Variants in CYB561 observed in about 807,000 individuals in gnomAD.
The protein encoded by CYB561 is transmembrane ascorbate-dependent reductase CYB561.
Under a neutral mutation model 25.3 loss-of-function variants are expected in CYB561, and 11 were observed. That is an observed-to-expected ratio of 0.44 (90% CI 0.27 to 0.72). The LOEUF (loss-of-function observed/expected upper bound fraction) is 0.72. Ranked by LOEUF, CYB561 falls within the 30% of genes least tolerant of loss-of-function variation. The pLI, the probability that CYB561 is intolerant of heterozygous loss-of-function variation, is 0.18. For synonymous variants in CYB561, 165 were observed against 158.8 expected (o/e 1.04, Z -0.29); for missense variants, 295 against 334.9 (o/e 0.88, Z 0.93).
intron 1 of CYB561, among the ~76,000 whole-genome samples, chr17:63,445,595 G>C (rs1240675506): frequency 6.6e-6 from 1 of 152,026 alleles, no homozygotes; most frequent in African/African-American, 2.4e-5. Context: ...GGGCAGGGAG[G>C]GAGGGAGGGA....
chr17:63,446,607 G>T (rs1329481505), upstream of CYB561, among the ~76,000 whole-genome samples: 4 of 152,094 alleles, frequency 2.6e-5, no homozygotes, highest in Non-Finnish European at 5.9e-5. Flanking sequence ...CGAGGGCCGC[G>T]GGATTCGTCC....
chr17:63,436,286 C>G lies in CYB561; in HGVS notation c.203-134G>C, dbSNP rs552791192. On this transcript the variant is annotated intron_variant, in intron 2 of 5. Transcript: ENST00000360793. The surrounding 1 kb of genome is among the most constrained non-coding windows in gnomAD (Gnocchi z 4.8). Reference sequence around the variant, plus strand: ...GTAACAGGAGCCTAGCTGCAGGAACCGGAGGAGAAAGCCAGGTTCCCTGGG... The same window carrying G: ...GTAACAGGAGCCTAGCTGCAGGAACGGGAGGAGAAAGCCAGGTTCCCTGGG... The G allele has an allele frequency of 2.5e-6, 3 of 1,184,558 alleles. No individual in the cohort carries two copies. The highest frequency in any genetic ancestry group is 1.2e-6 in the Non-Finnish European group (1 of 854,652). 73.4% of individuals were successfully genotyped at this position (1,184,558 alleles called of 1,614,324 possible).
rs1055619470 is a variant in CYB561 at position 63,435,899 on chromosome 17, C to T, written c.302-108G>A. The stretch of plus-strand genomic sequence containing the variant: ...GGACTTCTGGGCTTTAGTCCCAGCT[C>T]GAGGGCTGCCAGCACCTAGTGGCCC... On this transcript the variant is annotated intron_variant, in intron 3 of 5. Coordinates refer to ENST00000360793, the MANE Select transcript of CYB561 (RefSeq NM_001915.4). The T allele has an allele frequency of 2.0e-5, 32 of 1,580,362 alleles. No homozygotes were observed. In the Admixed American group the frequency reaches 3.0e-4, roughly 15 times the overall value.
chr17:63,436,075 C>T lies in CYB561; in HGVS notation c.280G>A (p.Ala94Thr), dbSNP rs1419715852. Reference sequence around the variant, plus strand: ...TCACCAACCAGGGCGATGACGAGCGCAAAGATGTGCAGCAGCCCGTGCAGG... The same window carrying T: ...TCACCAACCAGGGCGATGACGAGCGTAAAGATGTGCAGCAGCCCGTGCAGG... ...KVLHGLLHIF[A>T]LVIALVGLVA... The change falls in exon 3 of 6, where the codon GCG becomes ACG. Residue 94 changes from alanine to threonine, a missense_variant. Physicochemically the swap from Ala to Thr is moderately conservative, Grantham distance 58. Transcript: ENST00000360793. This position sits in a 1 kb window ranked among gnomAD's most constrained non-coding sequence, Gnocchi z 4.8. 3 of 1,614,220 alleles carry T rather than the reference C, an allele frequency of 1.9e-6. No homozygotes were observed. Among genetic ancestry groups the T allele is most frequent in the Admixed American group, 3.3e-5 (2 of 60,028 alleles).
Position 63,435,087 on chromosome 17 carries a change from C to A in CYB561, c.562G>T (p.Gly188Trp). The A allele has an allele frequency of 6.2e-7, 1 of 1,612,706 alleles. No individual in the cohort carries two copies. Among genetic ancestry groups the A allele is most frequent in the South Asian group, 1.1e-5 (1 of 90,920 alleles). ...GLKEALLFNL[G>W]GKYSAFEPEG... ...CCCTCTCCCACCCAGGACACTCACC[C>A]GAGGTTGAACAGCAGTGCCTCCTTC... is the stretch of plus-strand genomic sequence containing the variant. Residue 188 changes from glycine to tryptophan, a missense_variant and splice_region_variant, in exon 5 of 6, where the codon GGG becomes TGG. Transcript: ENST00000360793.
At chr17:63,438,940 T>G (rs2049347043) in intron 1 of CYB561, among the ~76,000 whole-genome samples, 1 of 152,170 alleles carries the variant, frequency 6.6e-6, no homozygotes. Flanking sequence ...CAGTTGCCAC[T>G]GCAACTGCCA....
rs753189821 is a variant in CYB561 at position 63,435,233 on chromosome 17, C to T, written c.416G>A (p.Gly139Asp). The T allele has an allele frequency of 1.2e-6, 2 of 1,613,576 alleles. No homozygotes were observed. The highest frequency in any genetic ancestry group is 1.1e-5 in the South Asian group (1 of 91,038). The change falls in exon 5 of 6, where the codon GGC (glycine) becomes GAC (aspartate). Residue 139 changes from glycine (G) to aspartate (D), a missense_variant. Gly to Asp is a moderately conservative substitution (Grantham distance 94, BLOSUM62 -1). Coordinates refer to ENST00000360793, the MANE Select transcript of CYB561 (RefSeq NM_001915.4). ...FVLYFVQWLV[G>D]FSFFLFPGAS... Reference sequence around the variant, plus strand: ...TCCGGGGAACAGGAAGAAGCTGAAGCCCACCAGCCACTAGGATTTGAAAGG... The same window carrying T: ...TCCGGGGAACAGGAAGAAGCTGAAGTCCACCAGCCACTAGGATTTGAAAGG...
intron 2 of CYB561, 107 bp downstream of exon 2, chr17:63,437,239 T>C: frequency 1.2e-6 from 1 of 857,554 alleles, no homozygotes; most frequent in Non-Finnish European, 1.9e-6. Flanking sequence ...TCTAGAATCT[T>C]AGATTTGTCC....
intron 1 of CYB561, chr17:63,438,276 C>T (rs1412777197): frequency 1.4e-6 from 2 of 1,448,616 alleles, no homozygotes; most frequent in African/African-American, 1.4e-5. Context: ...GTTACACAGG[C>T]AAGCGCGCTC....
At position 63,435,154 on chromosome 17, in the gene CYB561, A is replaced by G; in HGVS notation, c.495T>C (p.Ala165=). The G allele has an allele frequency of 6.2e-7, 1 of 1,614,222 alleles. No individual in the cohort carries two copies. The highest frequency in any genetic ancestry group is 8.5e-7 in the Non-Finnish European group (1 of 1,180,030). ...RYRPQHIFFG[A]TIFLLSVGTA... ...TGCCCACGGAAAGGAGGAAGATGGT[A>G]GCACCAAAGAAGATGTGCTGTGGGC... The change falls in exon 5 of 6, where the codon GCT becomes GCC. Residue 165 remains alanine, a synonymous_variant. Transcript: ENST00000360793.
intron 1 of CYB561, among the ~76,000 whole-genome samples, chr17:63,441,920 C>A (rs1163143194): frequency 6.6e-6 from 1 of 152,332 alleles, no homozygotes; most frequent in African/African-American, 2.4e-5. Flanking sequence ...AGGCCCTGAC[C>A]GAAGGCAAGA....
Position 63,435,196 on chromosome 17 carries a change from G to T in CYB561, c.453C>A (p.Ser151=). The change falls in exon 5 of 6, where the codon TCC becomes TCA. Residue 151 remains serine (S), a synonymous_variant. Coordinates refer to ENST00000360793, the MANE Select transcript of CYB561 (RefSeq NM_001915.4). The part of the protein sequence containing the change: ...SFFLFPGASF[S]LRSRYRPQHI... ...GCTGTGGGCGGTAGCGGCTCCGCAGGGAGAATGAAGCTCCGGGGAACAGGA... is the reference window on the plus strand; with the variant it reads ...GCTGTGGGCGGTAGCGGCTCCGCAGTGAGAATGAAGCTCCGGGGAACAGGA... 3 of 1,614,116 alleles carry T rather than the reference G, an allele frequency of 1.9e-6. No individual in the cohort carries two copies. Among genetic ancestry groups the T allele is most frequent in the Non-Finnish European group, 2.5e-6 (3 of 1,180,022 alleles).
rs2049257823 is a variant in CYB561, at chr17:63,433,539, G to A, written c.*863C>T. 1.8e-5 allele frequency: 7 copies of A among 392,810 alleles called. No homozygotes were observed. The East Asian group carries it at 2.5e-4, about 14-fold the overall frequency. The allele number at this position is 392,810 out of a possible 1,614,324, so 24.3% of individuals were successfully genotyped here. On this transcript the variant is annotated 3_prime_UTR_variant, in exon 6 of 6. Transcript: ENST00000360793. ...CGGTTTTTCATTTAAAAAATTATAAGGTTTGTGCCCTCTGCCTCCCAGCCT... is the reference window on the plus strand; with the variant it reads ...CGGTTTTTCATTTAAAAAATTATAAAGTTTGTGCCCTCTGCCTCCCAGCCT...
At chr17:63,437,805 C>A in intron 1 of CYB561, 1 of 507,954 alleles carries the variant, frequency 2.0e-6, no homozygotes, top group South Asian at 2.1e-5. Flanking sequence ...CGCACAGCCC[C>A]CTCCAGATGC....
chr17:63,433,421 A>G lies in CYB561; in HGVS notation c.*981T>C, dbSNP rs1031837188. On this transcript the variant is annotated 3_prime_UTR_variant, in exon 6 of 6. Transcript: ENST00000360793. ...TCTGACTCCATCCTGACTTCCTGGA[A>G]AGATGGGCAGCAGATAAGGAGAAGG... is the stretch of plus-strand genomic sequence containing the variant. 4.3e-5 allele frequency: 17 copies of G among 398,746 alleles called. No individual in the cohort carries two copies. The highest frequency in any genetic ancestry group is 3.1e-4 in the African/African-American group (15 of 48,634). 24.7% of individuals were successfully genotyped at this position (398,746 alleles called of 1,614,324 possible).
rs527488089 is a variant in CYB561, at chr17:63,438,161, G to A, written c.-13-601C>T. 23 of 1,535,620 alleles carry A rather than the reference G, an allele frequency of 1.5e-5. 1 individual carries two copies. The South Asian group carries it at 2.7e-4, about 18-fold the overall frequency. Reference sequence around the variant, plus strand: ...CAGGAGTTCCATATGCGGTGAGGGTGCAAGGAAAGATACCCCAAATTCTAG... The same window carrying A: ...CAGGAGTTCCATATGCGGTGAGGGTACAAGGAAAGATACCCCAAATTCTAG... On this transcript the variant is annotated intron_variant, in intron 1 of 5. Transcript: ENST00000360793.
intron 1 of CYB561, among the ~76,000 whole-genome samples, chr17:63,438,829 C>T (rs761973648): frequency 6.6e-6 from 1 of 152,252 alleles, no homozygotes; most frequent in African/African-American, 2.4e-5. Flanking sequence ...GAGCACCCAG[C>T]AGCTGGGGAT....
At position 63,435,101 on chromosome 17, in the gene CYB561, A is replaced by G; in HGVS notation, c.548T>C (p.Leu183Pro). Residue 183 changes from leucine (L) to proline (P), a missense_variant, in exon 5 of 6, where the codon CTG becomes CCG. Leu to Pro is a moderately conservative substitution (Grantham distance 98). Coordinates refer to ENST00000360793, the MANE Select transcript of CYB561 (RefSeq NM_001915.4). ...GTALLGLKEA[L>P]LFNLGGKYSA... Reference sequence around the variant, plus strand: ...GGACACTCACCCGAGGTTGAACAGCAGTGCCTCCTTCAGGCCCAGCAGGGC... The same window carrying G: ...GGACACTCACCCGAGGTTGAACAGCGGTGCCTCCTTCAGGCCCAGCAGGGC... 1 of 1,613,742 alleles carries G rather than the reference A, an allele frequency of 6.2e-7. No individual in the cohort carries two copies. Among genetic ancestry groups the G allele is most frequent in the Non-Finnish European group, 8.5e-7 (1 of 1,179,874 alleles).
chr17:63,434,660 T>A (rs1184436380), intron 5 of CYB561, 66 bp from the exon 6 acceptor site: 2 of 1,402,494 alleles, frequency 1.4e-6, no homozygotes, highest in South Asian at 2.6e-5. Flanking sequence ...GCCCTTTGTA[T>A]CCTGGGCCTT....
Sources: allele counts gnomAD v4.1 joint callset (sites outside exome capture counted in the v4.1 genomes callset), GRCh38; gene constraint gnomAD v4.1.1; non-coding constraint Gnocchi (gnomAD v3.1); transcripts MANE v1.5; gene names NCBI Gene and HGNC (gene_info 2026-07-23, HGNC 2026-07-21).